MTA3: variants seen among roughly 807,000 people sequenced by gnomAD.
MTA3 encodes metastasis-associated protein MTA3.
In MTA3, 34 loss-of-function variants were observed where a neutral mutation model predicts 83.5. That is an observed-to-expected ratio of 0.41 (90% CI 0.31 to 0.54). The LOEUF (loss-of-function observed/expected upper bound fraction) is 0.54. MTA3 is among the 20% of genes least tolerant of loss of function. The probability of loss-of-function intolerance (pLI) is 0.33; values close to 1 mark genes in which losing one functional copy is unlikely to be tolerated. For synonymous variants in MTA3, 303 were observed against 252.7 expected, an observed-to-expected ratio of 1.20 and a Z score of -1.89; for missense variants, 761 against 726.4, an observed-to-expected ratio of 1.05 and a Z score of -0.55.
intron 4 of MTA3, among the ~76,000 whole-genome samples, chr2:42,621,273 C>T (rs1685509827): frequency 6.6e-6 from 1 of 152,136 alleles, no homozygotes; most frequent in African/African-American, 2.4e-5. Flanking sequence ...GCAGAGGACC[C>T]TGCAGCCTTC....
chr2:42,524,012 CCT>C (rs1265177847), intron 2 of MTA3, among the ~76,000 whole-genome samples: 4 of 151,842 alleles, frequency 2.6e-5, no homozygotes, highest in Non-Finnish European at 5.9e-5. Context: ...CTTAACAAAC[CCT>C]CTCTCCCCAA....
At chr2:42,695,920 A>T in intron 10 of MTA3, 81 bp downstream of exon 10, 1 of 911,218 alleles carries the variant, frequency 1.1e-6, no homozygotes, top group Non-Finnish European at 1.7e-6. Context: ...TTGGCGATGT[A>T]CTACTTTTAA....
intron 10 of MTA3, among the ~76,000 whole-genome samples, chr2:42,696,678 G>A (rs1693416410): frequency 6.6e-6 from 1 of 152,168 alleles, no homozygotes; most frequent in African/African-American, 2.4e-5. Context: ...GGCCGAGGCA[G>A]GAGGATTGCT....
chr2:42,628,356 G>C (rs987445520), intron 4 of MTA3, among the ~76,000 whole-genome samples: 1 of 151,682 alleles, frequency 6.6e-6, no homozygotes, highest in African/African-American at 2.4e-5. Context: ...TCAGCCTCCC[G>C]AGTAGCTGGG....
chr2:42,688,772 G>GT (rs1009747555), intron 9 of MTA3, among the ~76,000 whole-genome samples: 44 of 151,928 alleles, frequency 2.9e-4, no homozygotes, highest in Non-Finnish European at 5.7e-4. Flanking sequence ...ATAAAGGGCA[G>GT]TTTTTGTTTT....
intron 2 of MTA3, among the ~76,000 whole-genome samples, chr2:42,509,369 C>G (rs554087905): frequency 7.0e-4 from 107 of 152,182 alleles, no homozygotes; most frequent in African/African-American, 2.5e-3. Flanking sequence ...TACCGTCTGT[C>G]TCCCACAAGA....
intron 4 of MTA3, among the ~76,000 whole-genome samples, chr2:42,631,783 G>C (rs1019588531): frequency 6.6e-6 from 1 of 151,848 alleles, no homozygotes; most frequent in Non-Finnish European, 1.5e-5. Context: ...TCCACCTCCT[G>C]AGTTCAAGTG....
chr2:42,754,499 C>T lies in MTA3; in HGVS notation c.*1100C>T. The T allele has an allele frequency of 1.0e-6, 1 of 985,524 alleles. No homozygotes were observed. The highest frequency in any genetic ancestry group is 1.2e-6 in the Non-Finnish European group (1 of 830,024). The allele number at this position is 985,524 out of a possible 1,614,324, so 61.0% of individuals were successfully genotyped here. Reference sequence around the variant, plus strand: ...CCTCGGCACGAGCCCTTGGTGGCATCACAGTTGGCCACTCAGCTGTGCTGA... The same window carrying T: ...CCTCGGCACGAGCCCTTGGTGGCATTACAGTTGGCCACTCAGCTGTGCTGA... On this transcript the variant is annotated 3_prime_UTR_variant, in exon 17 of 17. Coordinates refer to ENST00000405094, the MANE Select transcript of MTA3 (RefSeq NM_001330442.2).
At chr2:42,634,866 C>T (rs920651656) in intron 4 of MTA3, among the ~76,000 whole-genome samples, 4 of 151,968 alleles carry the variant, frequency 2.6e-5, no homozygotes, top group African/African-American at 9.7e-5. Context: ...TTCCCTTTGC[C>T]ATCTGTTTCT....
chr2:42,714,593 C>T (rs978700889), intron 14 of MTA3, among the ~76,000 whole-genome samples: 2 of 152,110 alleles, frequency 1.3e-5, no homozygotes, highest in Non-Finnish European at 2.9e-5. Flanking sequence ...CCATGAGTTT[C>T]AACAAAAGTA....
At chr2:42,743,618 C>T (rs1440119585) in intron 16 of MTA3, among the ~76,000 whole-genome samples, 1 of 152,200 alleles carries the variant, frequency 6.6e-6, no homozygotes, top group Non-Finnish European at 1.5e-5. Context: ...TTGAGTAATA[C>T]AATTTTTGAG....
At chr2:42,520,930 G>T (rs180703531) in intron 2 of MTA3, among the ~76,000 whole-genome samples, 2 of 152,026 alleles carry the variant, frequency 1.3e-5, no homozygotes, top group Non-Finnish European at 2.9e-5. Context: ...TCAAGTTCTC[G>T]ACTTTGATAA....
chr2:42,505,964 C>T (rs1674611002), intron 2 of MTA3, among the ~76,000 whole-genome samples: 1 of 151,866 alleles, frequency 6.6e-6, no homozygotes, highest in Middle Eastern at 3.4e-3. Flanking sequence ...AGCGTTTCAC[C>T]GTGTCAGCCA....
At chr2:42,571,774 C>A (rs907304934) in intron 2 of MTA3, among the ~76,000 whole-genome samples, 6 of 151,496 alleles carry the variant, frequency 4.0e-5, no homozygotes, top group African/African-American at 1.5e-4. Context: ...ATGGAGAAAC[C>A]CCATCTCTAC....
intron 14 of MTA3, among the ~76,000 whole-genome samples, chr2:42,710,511 A>G (rs1573715780): frequency 2.1e-5 from 3 of 141,496 alleles, no homozygotes; most frequent in Middle Eastern, 4.3e-3. Context: ...AGATTGCGCC[A>G]TTGCGCTCCA....
chr2:42,625,469 G>A (rs1212471790), intron 4 of MTA3, among the ~76,000 whole-genome samples: 3 of 150,806 alleles, frequency 2.0e-5, no homozygotes, highest in East Asian at 2.0e-4. Context: ...TTTATGGGCC[G>A]GGCACAGTGG....
At chr2:42,724,277 A>AAC (rs34379999) in intron 16 of MTA3, among the ~76,000 whole-genome samples, 1,637 of 73,134 alleles carry the variant, frequency 0.022, 40 homozygotes, top group East Asian at 0.046. Context: ...AGTCCTGAAA[A>AAC]ACACACACAC....
In MTA3 at chr2:42,753,649, G is replaced by A. The variant is rs1670047029; in HGVS notation, c.*250G>A. The A allele has an allele frequency of 3.8e-6, 5 of 1,313,772 alleles. No individual in the cohort carries two copies. The highest frequency in any genetic ancestry group is 4.9e-6 in the Non-Finnish European group (5 of 1,026,392). 81.4% of individuals were successfully genotyped at this position (1,313,772 alleles called of 1,614,324 possible). ...ACCTCGCTGTTACGGAGCGAGACCT[G>A]CTGAGAATTGAGGGGCTGAGGGAAC... On this transcript the variant is annotated 3_prime_UTR_variant, in exon 17 of 17. Transcript: ENST00000405094.
chr2:42,756,384 A>T lies in MTA3; in HGVS notation c.*2985A>T. On this transcript the variant is annotated 3_prime_UTR_variant, in exon 17 of 17. Transcript: ENST00000405094. The stretch of plus-strand genomic sequence containing the variant: ...ACAGTAGTGAAACCCAGTTGGAAGC[A>T]GCTGCCCTGGGAGCCTGGGACAGGC... 1 of 850,338 alleles carries T rather than the reference A, an allele frequency of 1.2e-6. No homozygotes were observed. Among genetic ancestry groups the T allele is most frequent in the Non-Finnish European group, 1.4e-6 (1 of 706,672 alleles). The allele number at this position is 850,338 out of a possible 1,614,324, so 52.7% of individuals were successfully genotyped here.
Sources: gnomAD v4.1 joint callset for allele counts (sites outside exome capture counted in the v4.1 genomes callset) on GRCh38, gnomAD v4.1.1 for gene constraint, MANE v1.5 for transcripts, NCBI Gene and HGNC (gene_info 2026-07-23, HGNC 2026-07-21) for gene names.